The following CHRNB3 variants were observed in gnomAD, a reference collection of about 807,000 sequenced individuals.
CHRNB3 encodes neuronal acetylcholine receptor subunit beta-3.
A neutral mutation model predicts 40.6 loss-of-function variants in CHRNB3; 37 were observed. That is an observed-to-expected ratio of 0.91 (90% CI 0.70 to 1.20). The LOEUF is 1.20. CHRNB3 is among the 50% of genes most tolerant of loss of function. The pLI, the probability that CHRNB3 is intolerant of heterozygous loss-of-function variation, is 0.00. For synonymous variants in CHRNB3, 207 were observed against 207.1 expected, an observed-to-expected ratio of 1.00 and a Z score of 0.00; for missense variants, 505 against 551.2, an observed-to-expected ratio of 0.92 and a Z score of 0.84.
chr8:42,701,974 C>CAA, intron 1 of CHRNB3, among the ~76,000 whole-genome samples: 1 of 152,318 alleles, frequency 6.6e-6, no homozygotes, highest in Middle Eastern at 3.4e-3. Flanking sequence ...TGCTTGGAAT[C>CAA]AAGACCAGAA....
At position 42,699,547 on chromosome 8, in the gene CHRNB3, T is replaced by A. The variant is rs576830506; in HGVS notation, c.52+1949T>A. The A allele has an allele frequency of 5.3e-5, 8 of 152,280 alleles. No individual in the cohort carries two copies. In the East Asian group the frequency reaches 1.5e-3, roughly 29 times the overall value. 9.4% of individuals were successfully genotyped at this position (152,280 alleles called of 1,614,324 possible). The stretch of plus-strand genomic sequence containing the variant: ...GCCAAGGTAGGCAGATCACCTGAGG[T>A]CAGGAGTTTGAGGCCAGCCTGACCA... On this transcript the variant is annotated intron_variant, in intron 1 of 5. Transcript: ENST00000289957.
chr8:42,732,616 T>A, intron 5 of CHRNB3, 67 bp downstream of exon 5: 1 of 1,384,740 alleles, frequency 7.2e-7, no homozygotes, highest in Non-Finnish European at 9.7e-7. Context: ...TTTTGACATC[T>A]GTTTACAATA....
Position 42,732,530 on chromosome 8 carries a change from A to G in CHRNB3, c.1223A>G (p.Lys408Arg), listed in dbSNP as rs1402840534. 1.3e-6 allele frequency: 2 copies of G among 1,597,320 alleles called. No homozygotes were observed. Among genetic ancestry groups the G allele is most frequent in the African/African-American group, 1.4e-5 (1 of 74,058 alleles). ...AGATACATTTCGAGACATGTGAAGA[A>G]AGAACATTTTATCAGCCAGGTGAGT... ...SIRYISRHVK[K>R]EHFISQVVQD... Residue 408 changes from lysine (K) to arginine (R), a missense_variant, in exon 5 of 6, where the codon AAA becomes AGA. Coordinates refer to ENST00000289957, the MANE Select transcript of CHRNB3 (RefSeq NM_000749.5).
At chr8:42,702,495 C>CG (rs1200392725) in intron 1 of CHRNB3, among the ~76,000 whole-genome samples, 1 of 152,116 alleles carries the variant, frequency 6.6e-6, no homozygotes, top group Non-Finnish European at 1.5e-5. Flanking sequence ...AGGCCAGGCA[C>CG]GATGGCTCAC....
Position 42,731,707 on chromosome 8 carries a change from A to T in CHRNB3, c.400A>T (p.Ile134Phe), listed in dbSNP as rs1239520907. ...CGAAGGCTCCCTGATGACCAAGGTCATCGTGAAATCAAACGGAACTGTTGT... is the reference window on the plus strand; with the variant it reads ...CGAAGGCTCCCTGATGACCAAGGTCTTCGTGAAATCAAACGGAACTGTTGT... The part of the protein sequence containing the change: ...RFEGSLMTKV[I>F]VKSNGTVVWT... The change falls in exon 5 of 6, where the codon ATC becomes TTC. Residue 134 changes from isoleucine to phenylalanine, a missense_variant. By Grantham distance (21) the Ile-to-Phe change is conservative. Coordinates refer to ENST00000289957, the MANE Select transcript of CHRNB3 (RefSeq NM_000749.5). 1.2e-6 allele frequency: 2 copies of T among 1,613,676 alleles called. No individual in the cohort carries two copies.
intron 5 of CHRNB3, among the ~76,000 whole-genome samples, chr8:42,735,849 A>T (rs893977935): frequency 6.6e-6 from 1 of 152,160 alleles, no homozygotes; most frequent in African/African-American, 2.4e-5. Flanking sequence ...AAAGCCTGTG[A>T]CATTTGGCCA....
chr8:42,718,478 C>G (rs998661500), intron 3 of CHRNB3, among the ~76,000 whole-genome samples: 3 of 151,390 alleles, frequency 2.0e-5, no homozygotes, highest in African/African-American at 7.3e-5. Flanking sequence ...TTGAGACCAT[C>G]CTAGCTAACA....
intron 3 of CHRNB3, among the ~76,000 whole-genome samples, chr8:42,726,966 T>G (rs1816322157): frequency 6.6e-6 from 1 of 152,162 alleles, no homozygotes; most frequent in African/African-American, 2.4e-5. Context: ...AATCTGTATA[T>G]TCAAATCAAT....
At position 42,719,044 on chromosome 8, in the gene CHRNB3, C is replaced by T. The variant is rs574690547; in HGVS notation, c.249+8610C>T. ...GTGATGTGGAGCTGGTGTTTGACGACGGCTTTGAGCATCTCAGCTAGAACA... is the reference window on the plus strand; with the variant it reads ...GTGATGTGGAGCTGGTGTTTGACGATGGCTTTGAGCATCTCAGCTAGAACA... On this transcript the variant is annotated intron_variant, in intron 3 of 5. Coordinates refer to ENST00000289957, the MANE Select transcript of CHRNB3 (RefSeq NM_000749.5). Among the ~76,000 whole-genome samples the T allele has an allele frequency of 3.7e-4, 57 of 152,228 alleles. 1 individual carries two copies. Among genetic ancestry groups the T allele is most frequent in the African/African-American group, 9.6e-4 (40 of 41,510 alleles).
chr8:42,708,410 G>A (rs966354915), intron 1 of CHRNB3, among the ~76,000 whole-genome samples: 1 of 151,986 alleles, frequency 6.6e-6, no homozygotes, highest in Admixed American at 6.6e-5. Context: ...AGCTTGCAGT[G>A]AGCCGAGATC....
chr8:42,724,603 C>T (rs1195656390), intron 3 of CHRNB3, among the ~76,000 whole-genome samples: 1 of 152,112 alleles, frequency 6.6e-6, no homozygotes, highest in Non-Finnish European at 1.5e-5. Context: ...CCATTAAACT[C>T]TAGGATAGAA....
At chr8:42,716,360 CCAAATTTACTCAAT>C (rs372465805) in intron 3 of CHRNB3, among the ~76,000 whole-genome samples, 8,687 of 152,130 alleles carry the variant, frequency 0.057, 324 homozygotes, top group Middle Eastern at 0.11. Flanking sequence ...ACAACAAATG[CCAAATTTACTCAAT>C]CCGTATTTCC....
chr8:42,710,064 T>A (rs1815987314), intron 2 of CHRNB3, among the ~76,000 whole-genome samples: 1 of 152,262 alleles, frequency 6.6e-6, no homozygotes, highest in African/African-American at 2.4e-5. Flanking sequence ...TATATGCCAT[T>A]TGACTGTTTA....
chr8:42,716,717 T>C (rs948745150), intron 3 of CHRNB3, among the ~76,000 whole-genome samples: 10 of 152,078 alleles, frequency 6.6e-5, no homozygotes, highest in African/African-American at 2.4e-4. Context: ...CCCTGTCTTA[T>C]GGAAAGCCGC....
At chr8:42,730,881 T>C (rs1816402023) in intron 4 of CHRNB3, among the ~76,000 whole-genome samples, 178 bp downstream of exon 4, 1 of 147,348 alleles carries the variant, frequency 6.8e-6, no homozygotes, top group Non-Finnish European at 1.5e-5. Flanking sequence ...ACCCCGTCTC[T>C]ACTAAAAATA....
rs998387478 is a variant in CHRNB3 at position 42,730,605 on chromosome 8, C to A, written c.261C>A (p.Asp87Glu). The A allele has an allele frequency of 6.2e-7, 1 of 1,602,280 alleles. No individual in the cohort carries two copies. The highest frequency in any genetic ancestry group is 8.5e-7 in the Non-Finnish European group (1 of 1,172,814). ...CTAATTTCATGCAGGAATGGACAGACCACAAGTTACGCTGGAATCCTGATG... is the reference window on the plus strand; with the variant it reads ...CTAATTTCATGCAGGAATGGACAGAACACAAGTTACGCTGGAATCCTGATG... The part of the protein sequence containing the change: ...TNVWLKQEWT[D>E]HKLRWNPDDY... The change falls in exon 4 of 6, where the codon GAC (aspartate) becomes GAA (glutamate). Residue 87 changes from aspartate (D) to glutamate (E), a missense_variant. By Grantham distance (45) the Asp-to-Glu change is conservative. Transcript: ENST00000289957.
intron 3 of CHRNB3, among the ~76,000 whole-genome samples, chr8:42,717,477 A>C (rs1007459745): frequency 4.0e-5 from 6 of 149,464 alleles, no homozygotes; most frequent in African/African-American, 1.2e-4. Flanking sequence ...TACCATCCGC[A>C]ACCTGGAATG....
intron 3 of CHRNB3, among the ~76,000 whole-genome samples, chr8:42,716,169 G>T (rs1386973598): frequency 6.6e-6 from 1 of 151,948 alleles, no homozygotes; most frequent in Non-Finnish European, 1.5e-5. Context: ...AGAGACGAGG[G>T]TTTCATCATG....
intron 3 of CHRNB3, among the ~76,000 whole-genome samples, chr8:42,713,548 G>T (rs1816052948): frequency 6.6e-6 from 1 of 152,132 alleles, no homozygotes; most frequent in African/African-American, 2.4e-5. Flanking sequence ...GTATAAATAT[G>T]TAAGGTACAA....
Sources: allele counts gnomAD v4.1 joint callset (sites outside exome capture counted in the v4.1 genomes callset), GRCh38; gene constraint gnomAD v4.1.1; transcripts MANE v1.5; gene names NCBI Gene and HGNC (gene_info 2026-07-23, HGNC 2026-07-21).